SLC1A2: variants seen among roughly 807,000 people sequenced by gnomAD.
SLC1A2 encodes the protein excitatory amino acid transporter 2.
SLC1A2 carries 15 observed loss-of-function variants against 48.8 expected under a neutral mutation model. The ratio of observed to expected loss-of-function variants is 0.31; its 90% CI spans 0.21 to 0.47. The LOEUF is 0.47. Ranked by LOEUF, SLC1A2 falls within the 20% of genes least tolerant of loss-of-function variation. The pLI, the probability that SLC1A2 is intolerant of heterozygous loss-of-function variation, is 0.99. For synonymous variants in SLC1A2, 279 were observed against 272.6 expected (o/e 1.02, Z -0.23); for missense variants, 502 against 730.5 (o/e 0.69, Z 3.61).
chr11:35,330,815 C>G (rs949414318), intron 1 of SLC1A2, among the ~76,000 whole-genome samples: 10 of 152,212 alleles, frequency 6.6e-5, no homozygotes, highest in African/African-American at 2.4e-4. Flanking sequence ...GAAACAGACT[C>G]CTCCTCCGAG....
intron 10 of SLC1A2, 75 bp from the exon 11 acceptor site, chr11:35,261,040 G>T: frequency 1.9e-6 from 2 of 1,035,550 alleles, no homozygotes; most frequent in Non-Finnish European, 1.5e-6. Flanking sequence ...ATGTGGAGAA[G>T]CACCAAATCC....
chr11:35,306,339 A>G (rs1487458091), intron 4 of SLC1A2, 97 bp from the exon 5 acceptor site: 2 of 881,262 alleles, frequency 2.3e-6, no homozygotes, highest in East Asian at 5.0e-5. Flanking sequence ...GGTTCCCAAC[A>G]GGTTAACAAT....
At chr11:35,290,305 C>T (rs189930424) in intron 7 of SLC1A2, among the ~76,000 whole-genome samples, 128 of 152,208 alleles carry the variant, frequency 8.4e-4, no homozygotes, top group African/African-American at 3.0e-3. Context: ...CTTAAATATA[C>T]ATCACTGTGG....
chr11:35,284,814 AGCAAATTTC>A (rs1850759448), intron 8 of SLC1A2, among the ~76,000 whole-genome samples: 1 of 152,202 alleles, frequency 6.6e-6, no homozygotes, highest in South Asian at 2.1e-4. Context: ...ACATGATTAG[AGCAAATTTC>A]CAGCACTGCT....
At chr11:35,396,974 A>T (rs1311717113) in intron 1 of SLC1A2, among the ~76,000 whole-genome samples, 1 of 150,880 alleles carries the variant, frequency 6.6e-6, no homozygotes, top group Non-Finnish European at 1.5e-5. Flanking sequence ...CTTACAAGGG[A>T]TGTGAAGGAC....
chr11:35,405,742 C>T (rs1855270724), intron 1 of SLC1A2, among the ~76,000 whole-genome samples: 1 of 152,212 alleles, frequency 6.6e-6, no homozygotes, highest in Non-Finnish European at 1.5e-5. Context: ...AGATGAGCTG[C>T]TTCCCAACTG....
At chr11:35,332,819 A>G (rs1852474375) in intron 1 of SLC1A2, among the ~76,000 whole-genome samples, 1 of 152,158 alleles carries the variant, frequency 6.6e-6, no homozygotes, top group Non-Finnish European at 1.5e-5. Flanking sequence ...TTATGGGGAG[A>G]AAGGGAAGAA....
intron 1 of SLC1A2, among the ~76,000 whole-genome samples, chr11:35,357,887 C>T (rs1211414580): frequency 1.3e-5 from 2 of 152,124 alleles, no homozygotes; most frequent in Non-Finnish European, 2.9e-5. Context: ...TGGCTCATGC[C>T]TGTAATCCCA....
rs1212511468 is a variant in SLC1A2 at position 35,258,286 on chromosome 11, G to A, written c.*2608C>T. ...GACTTCCTGCACACAGTAAGTCTCA[G>A]ACCAGAAAAAACTTGCTTTGTGAAG... On this transcript the variant is annotated 3_prime_UTR_variant, in exon 11 of 11. Coordinates refer to ENST00000278379, the MANE Select transcript of SLC1A2 (RefSeq NM_004171.4). 6.6e-6 allele frequency: 1 copy of A among 152,196 alleles called. No homozygotes were observed. Among genetic ancestry groups the A allele is most frequent in the Non-Finnish European group, 1.5e-5 (1 of 68,026 alleles). 9.4% of individuals were successfully genotyped at this position (152,196 alleles called of 1,614,324 possible). A position where few individuals can be genotyped will look rare whatever the true frequency, so the allele number is the denominator to read the frequency against.
intron 1 of SLC1A2, among the ~76,000 whole-genome samples, chr11:35,386,937 CT>C (rs1854601396): frequency 6.6e-6 from 1 of 151,992 alleles, no homozygotes; most frequent in Non-Finnish European, 1.5e-5. Flanking sequence ...TTTTTTCCCC[CT>C]TTTTTATTTG....
At chr11:35,282,309 G>C (rs530311266) in intron 8 of SLC1A2, among the ~76,000 whole-genome samples, 1 of 152,284 alleles carries the variant, frequency 6.6e-6, no homozygotes, top group South Asian at 2.1e-4. Context: ...AAGTTCTGCA[G>C]TTGAACAACC....
intron 1 of SLC1A2, among the ~76,000 whole-genome samples, chr11:35,376,713 A>AT (rs898015987): frequency 2.6e-5 from 4 of 152,090 alleles, no homozygotes; most frequent in Admixed American, 1.3e-4. Flanking sequence ...GTGAATAATA[A>AT]TTTTTTTTAA....
At chr11:35,400,672 A>G (rs1027905193) in intron 1 of SLC1A2, among the ~76,000 whole-genome samples, 5 of 152,194 alleles carry the variant, frequency 3.3e-5, no homozygotes, top group Non-Finnish European at 7.4e-5. Flanking sequence ...AATCAATCCC[A>G]TGAAAATTTC....
rs556942749 is a variant in SLC1A2, at chr11:35,344,661, C to T, written c.18-27145G>A. On this transcript the variant is annotated intron_variant, in intron 1 of 10. Coordinates refer to ENST00000278379, the MANE Select transcript of SLC1A2 (RefSeq NM_004171.4). ...GCTCTGTGATTCCAAAAGGCTGAGT[C>T]CTGGCTGCCATCCCTCACATGGTGA... Among the ~76,000 whole-genome samples the T allele has an allele frequency of 5.3e-5, 8 of 152,298 alleles. No homozygotes were observed. The East Asian group carries it at 1.5e-3, about 29-fold the overall frequency.
At chr11:35,277,225 T>C (rs2134667152) in intron 9 of SLC1A2, among the ~76,000 whole-genome samples, 1 of 152,300 alleles carries the variant, frequency 6.6e-6, no homozygotes, top group South Asian at 2.1e-4. Flanking sequence ...AATAAGTGTG[T>C]CTTCTCCAAC....
At chr11:35,296,637 C>T (rs535012469) in intron 6 of SLC1A2, among the ~76,000 whole-genome samples, 2 of 152,110 alleles carry the variant, frequency 1.3e-5, no homozygotes, top group Non-Finnish European at 2.9e-5. Context: ...CCCCTTTCAC[C>T]AACCACACTG....
chr11:35,306,264 G>T, intron 4 of SLC1A2, 22 bp from the exon 5 acceptor site: 2 of 1,598,576 alleles, frequency 1.3e-6, no homozygotes, highest in Non-Finnish European at 8.6e-7. Context: ...AGGGAAAAAA[G>T]GCATAGAGCT....
At chr11:35,322,998 C>G (rs1852124849) in intron 1 of SLC1A2, 2 of 551,044 alleles carry the variant, frequency 3.6e-6, no homozygotes, top group Non-Finnish European at 6.5e-6. Flanking sequence ...ATGTCAGTCT[C>G]TCTCTGACAG....
chr11:35,305,028 T>C lies in SLC1A2; in HGVS notation c.730+1046A>G, dbSNP rs549403088. 2.0e-5 allele frequency among the ~76,000 whole-genome samples: 3 copies of C among 152,278 alleles called. No individual in the cohort carries two copies. In the East Asian group the frequency reaches 5.8e-4, roughly 29 times the overall value. ...AGCTGTCATCCAAACCTTTAGAAAT[T>C]GTGCTTGGATAAATAAACATACTTC... is the stretch of plus-strand genomic sequence containing the variant. On this transcript the variant is annotated intron_variant, in intron 5 of 10. Transcript: ENST00000278379.
Sources: gnomAD v4.1 joint callset for allele counts (sites outside exome capture counted in the v4.1 genomes callset) on GRCh38, gnomAD v4.1.1 for gene constraint, MANE v1.5 for transcripts, NCBI Gene and HGNC (gene_info 2026-07-23, HGNC 2026-07-21) for gene names.